Variants in ZNF704 observed in about 807,000 individuals in gnomAD.
The protein encoded by ZNF704 is zinc finger protein 704, also known as glucocorticoid induced gene 1.
Under a neutral mutation model 44.7 loss-of-function variants are expected in ZNF704, and 10 were observed. The observed-to-expected ratio is 0.22, with a 90% CI of 0.14 to 0.38. ZNF704 has a LOEUF of 0.38. Among genes scored for constraint, ZNF704 ranks in the 10% least tolerant of loss-of-function variants. ZNF704 has a pLI of 1.00. For synonymous variants in ZNF704, 211 were observed against 207.6 expected (o/e 1.02, Z -0.14); for missense variants, 390 against 545.5 (o/e 0.71, Z 2.84).
At chr8:80,755,130 T>C (rs1261165194) in intron 2 of ZNF704, among the ~76,000 whole-genome samples, 1 of 152,136 alleles carries the variant, frequency 6.6e-6, no homozygotes, top group Admixed American at 6.5e-5. Context: ...TTCCAGGATA[T>C]ATCCAGGATC....
At position 80,641,374 on chromosome 8, in the gene ZNF704, G is replaced by C; in HGVS notation, c.1231C>G (p.Leu411Val). 2 of 1,612,726 alleles carry C rather than the reference G, an allele frequency of 1.2e-6. No individual in the cohort carries two copies. Among genetic ancestry groups the C allele is most frequent in the Non-Finnish European group, 1.7e-6 (2 of 1,179,256 alleles). ...CRWKKACQRF[L>V]D ...CTCTGCCTGGGGGTCTCTCAGTCGA[G>C]GAACCTCTGGCAGGCCTTCTTCCAG... Residue 411 changes from leucine (L) to valine (V), a missense_variant, in exon 9 of 9, where the codon CTC (leucine) becomes GTC (valine). By Grantham distance (32) the Leu-to-Val change is conservative (BLOSUM62 1). Around this residue, in one of 3 missense-constraint regions of ZNF704, gnomAD observed 305 missense variants for 435.7 expected, o/e 0.70. Transcript: ENST00000327835.
At chr8:80,778,648 C>T (rs1473905362) in intron 2 of ZNF704, among the ~76,000 whole-genome samples, 1 of 152,032 alleles carries the variant, frequency 6.6e-6, no homozygotes, top group African/African-American at 2.4e-5. Flanking sequence ...AAATGTGGTA[C>T]ATACCCATCA....
intron 2 of ZNF704, among the ~76,000 whole-genome samples, chr8:80,711,196 G>A (rs1818980187): frequency 6.6e-6 from 1 of 152,196 alleles, no homozygotes; most frequent in African/African-American, 2.4e-5. Flanking sequence ...AGCTCTGTAT[G>A]TTCTAGCCTT....
intron 4 of ZNF704, among the ~76,000 whole-genome samples, chr8:80,685,905 C>G (rs1818527038): frequency 6.6e-6 from 1 of 152,132 alleles, no homozygotes; most frequent in Admixed American, 6.5e-5. Context: ...CACTGCAGTC[C>G]TCAGGGCTTT....
Position 80,874,134 on chromosome 8 carries a change from C to CGCAGGGCCGCA in ZNF704, c.-22+436_-22+437insTGCGGCCCTGC, listed in dbSNP as rs1172755211. On this transcript the variant is annotated intron_variant, in intron 1 of 8. Coordinates refer to ENST00000327835, the MANE Select transcript of ZNF704 (RefSeq NM_001033723.3). The surrounding 1 kb of genome is among the most constrained non-coding windows in gnomAD (Gnocchi z 4.4). ...CTGCCTCCGCCGGTGGCCGCAGGGC[C>CGCAGGGCCGCA]GGGGACTCGCGGCCGCAAGGGGCTG... 6.8e-6 allele frequency among the ~76,000 whole-genome samples: 1 copy of CGCAGGGCCGCA among 146,660 alleles called. No homozygotes were observed. Among genetic ancestry groups the CGCAGGGCCGCA allele is most frequent in the Non-Finnish European group, 1.5e-5 (1 of 65,860 alleles).
intron 4 of ZNF704, among the ~76,000 whole-genome samples, chr8:80,684,064 T>A (rs906245179): frequency 6.6e-6 from 1 of 152,202 alleles, no homozygotes; most frequent in African/African-American, 2.4e-5. Context: ...TTCATAACTA[T>A]CCTGAGAGGG....
chr8:80,753,463 A>AG (rs1231812081), intron 2 of ZNF704, among the ~76,000 whole-genome samples: 1 of 150,086 alleles, frequency 6.7e-6, no homozygotes, highest in Non-Finnish European at 1.5e-5. Flanking sequence ...AAAAAAAAGG[A>AG]GGGGGGACAA....
rs1396915628 is a variant in ZNF704 at position 80,665,007 on chromosome 8, T to C, written c.735A>G (p.Ser245=). The C allele has an allele frequency of 3.7e-6, 6 of 1,614,124 alleles. No individual in the cohort carries two copies. The highest frequency in any genetic ancestry group is 8.5e-7 in the Non-Finnish European group (1 of 1,180,046). The change falls in exon 6 of 9, where the codon TCA becomes TCG. Residue 245 remains serine, a synonymous_variant. Coordinates refer to ENST00000327835, the MANE Select transcript of ZNF704 (RefSeq NM_001033723.3). ...CCAGGCTGCTCAGCCCGTCTGCCACTGAGTCTGTGTTGAGCTTGATCTCAG... is the reference window on the plus strand; with the variant it reads ...CCAGGCTGCTCAGCCCGTCTGCCACCGAGTCTGTGTTGAGCTTGATCTCAG... The part of the protein sequence containing the change: ...YYTEIKLNTD[S]VADGLSSLAP...
intron 1 of ZNF704, among the ~76,000 whole-genome samples, chr8:80,822,378 TC>T (rs1267344570): frequency 6.6e-6 from 1 of 151,266 alleles, no homozygotes; most frequent in African/African-American, 2.4e-5. Context: ...GATGAACTCA[TC>T]CTTTTTTATG....
chr8:80,650,153 C>T (rs762840217), intron 7 of ZNF704, among the ~76,000 whole-genome samples: 1 of 152,144 alleles, frequency 6.6e-6, no homozygotes, highest in Non-Finnish European at 1.5e-5. Context: ...CACACCAAAA[C>T]CCCATCTGTA....
intron 2 of ZNF704, among the ~76,000 whole-genome samples, chr8:80,800,247 C>T (rs558762436): frequency 3.3e-5 from 5 of 152,168 alleles, no homozygotes; most frequent in Non-Finnish European, 7.3e-5. Flanking sequence ...AAACATACTT[C>T]AGGATATCAT....
intron 2 of ZNF704, among the ~76,000 whole-genome samples, chr8:80,803,789 G>A (rs1039391248): frequency 5.3e-5 from 8 of 151,988 alleles, no homozygotes; most frequent in East Asian, 3.9e-4. Context: ...ACTTCATGGC[G>A]AAAACACCAA....
At chr8:80,806,175 T>C (rs1586040974) in intron 2 of ZNF704, among the ~76,000 whole-genome samples, 1 of 152,210 alleles carries the variant, frequency 6.6e-6, no homozygotes. Flanking sequence ...TGTGGTAAAG[T>C]TTGAAAAATC....
At chr8:80,881,838 G>T in the ZNF704 span, among the ~76,000 whole-genome samples, 1 of 152,152 alleles carries the variant, frequency 6.6e-6, no homozygotes, top group East Asian at 1.9e-4. Context: ...TGAGGCAGGA[G>T]AATCACTTAA....
In ZNF704 at chr8:80,858,178, G is replaced by A. The variant is rs1334724401; in HGVS notation, c.-22+16393C>T. On this transcript the variant is annotated intron_variant, in intron 1 of 8. Transcript: ENST00000327835. ...TTTTTAAAAAAAATCAGTATTGCTA[G>A]GAGTTTATCAATTTTATTGACCTTC... 3.3e-5 allele frequency among the ~76,000 whole-genome samples: 5 copies of A among 152,130 alleles called. No homozygotes were observed. In the East Asian group the frequency reaches 9.6e-4, roughly 29 times the overall value.
chr8:80,871,844 T>C (rs575208404), intron 1 of ZNF704, among the ~76,000 whole-genome samples: 24 of 152,370 alleles, frequency 1.6e-4, no homozygotes, highest in African/African-American at 4.6e-4. Context: ...CAACATTCTG[T>C]GTAAATTTCT....
intron 7 of ZNF704, among the ~76,000 whole-genome samples, chr8:80,643,828 T>A (rs1296651434): frequency 6.6e-6 from 1 of 152,172 alleles, no homozygotes; most frequent in Non-Finnish European, 1.5e-5. Flanking sequence ...TTTTAGAGGA[T>A]GAAACATACC....
At chr8:80,699,597 CA>C in intron 2 of ZNF704, among the ~76,000 whole-genome samples, 1 of 152,198 alleles carries the variant, frequency 6.6e-6, no homozygotes, top group East Asian at 1.9e-4. Flanking sequence ...CGATACTATA[CA>C]AAAAAACTAT....
rs1817648557 is a variant in ZNF704 at position 80,635,266 on chromosome 8, A to G, written c.*6100T>C. 1 of 152,246 alleles carries G rather than the reference A, an allele frequency of 6.6e-6. No individual in the cohort carries two copies. The highest frequency in any genetic ancestry group is 2.4e-5 in the African/African-American group (1 of 41,470). 9.4% of individuals were successfully genotyped at this position (152,246 alleles called of 1,614,324 possible). ...AGCTCTGAATTATTTGTACAGTTTT[A>G]ATAAACTCTTCACAACTCCCCTCTG... On this transcript the variant is annotated 3_prime_UTR_variant, in exon 9 of 9. Coordinates refer to ENST00000327835, the MANE Select transcript of ZNF704 (RefSeq NM_001033723.3).
Sources: gnomAD v4.1 joint callset for allele counts (sites outside exome capture counted in the v4.1 genomes callset) on GRCh38, gnomAD v4.1.1 for gene constraint, gnomAD v4.1.1 regional missense constraint, Gnocchi (gnomAD v3.1) non-coding constraint, MANE v1.5 for transcripts, NCBI Gene and HGNC (gene_info 2026-07-23, HGNC 2026-07-21) for gene names.